The following YTHDF1 variants were observed in gnomAD, a reference collection of about 807,000 sequenced individuals.
YTHDF1 encodes the protein YTH N6-methyladenosine RNA binding protein F1, also known as YTH domain-containing family protein 1.
Under a neutral mutation model 49.1 loss-of-function variants are expected in YTHDF1, and 16 were observed. That is an observed-to-expected ratio of 0.33 (90% confidence interval 0.22 to 0.49). The LOEUF is 0.49. YTHDF1 is among the 20% of genes least tolerant of loss of function. YTHDF1 has a pLI of 0.99. For synonymous variants in YTHDF1, 313 were observed against 290.1 expected, an observed-to-expected ratio of 1.08 and a Z score of -0.80; for missense variants, 621 against 744.3, an observed-to-expected ratio of 0.83 and a Z score of 1.93.
intron 4 of YTHDF1, among the ~76,000 whole-genome samples, chr20:63,198,586 A>C (rs765666400): frequency 4.6e-5 from 7 of 152,134 alleles, no homozygotes; most frequent in Non-Finnish European, 1.0e-4. Flanking sequence ...AACAGCTACA[A>C]AGTTTACTAT....
chr20:63,208,736 A>C (rs961048358), intron 3 of YTHDF1, among the ~76,000 whole-genome samples: 1 of 152,224 alleles, frequency 6.6e-6, no homozygotes, highest in African/African-American at 2.4e-5. Flanking sequence ...CAGCCACAAG[A>C]AACTGACACT....
chr20:63,215,505 A>C (rs1320250504), intron 2 of YTHDF1, 72 bp downstream of exon 2: 25 of 1,602,732 alleles, frequency 1.6e-5, no homozygotes, highest in African/African-American at 2.7e-5. Flanking sequence ...TTCCAGACGC[A>C]GCTTCCTGGA....
Position 63,203,653 on chromosome 20 carries a change from T to C in YTHDF1, c.287A>G (p.Asp96Gly). ...LTTYGQLSNG[D>G]HHFMHDAVFG... The stretch of plus-strand genomic sequence containing the variant: ...AACAGCATCGTGCATAAAATGATGG[T>C]CTCCGTTACTGAGCTGTCCGTAGGT... The change falls in exon 4 of 5, where the codon GAC becomes GGC. Residue 96 changes from aspartate to glycine, a missense_variant. Transcript: ENST00000370339. This position sits in a 1 kb window ranked among gnomAD's most constrained non-coding sequence, Gnocchi z 4.4. The C allele has an allele frequency of 6.2e-7, 1 of 1,614,074 alleles. No individual in the cohort carries two copies. The highest frequency in any genetic ancestry group is 1.1e-5 in the South Asian group (1 of 91,076).
chr20:63,204,939 G>T (rs555169198), intron 3 of YTHDF1, among the ~76,000 whole-genome samples: 30 of 152,154 alleles, frequency 2.0e-4, no homozygotes, highest in Non-Finnish European at 4.0e-4. Context: ...AGGCCGGTGA[G>T]ACGGGGTCCA....
chr20:63,207,417 C>G, intron 3 of YTHDF1, among the ~76,000 whole-genome samples: 1 of 151,766 alleles, frequency 6.6e-6, no homozygotes, highest in African/African-American at 2.4e-5. Flanking sequence ...TGCAGTGAGC[C>G]GAGATCGAGC....
intron 3 of YTHDF1, among the ~76,000 whole-genome samples, chr20:63,204,086 G>A (rs1266421133): frequency 5.9e-5 from 9 of 152,198 alleles, no homozygotes; most frequent in Non-Finnish European, 1.3e-4. Context: ...TCTAGAACTG[G>A]CAAGGTAGCA....
intron 4 of YTHDF1, among the ~76,000 whole-genome samples, chr20:63,199,376 G>T (rs1323901121): frequency 6.6e-6 from 1 of 152,128 alleles, no homozygotes; most frequent in African/African-American, 2.4e-5. Flanking sequence ...AAAATTCGCT[G>T]GGCGTGGTGG....
intron 4 of YTHDF1, among the ~76,000 whole-genome samples, chr20:63,199,021 C>T (rs1415476963): frequency 6.6e-6 from 1 of 152,230 alleles, no homozygotes; most frequent in African/African-American, 2.4e-5. Flanking sequence ...AGCTGGACAG[C>T]AATCTTGCAA....
rs2066589894 is a variant in YTHDF1 at position 63,214,159 on chromosome 20, G to C, written c.53-216C>G. The C allele has an allele frequency of 3.1e-6, 3 of 956,582 alleles. No homozygotes were observed. The South Asian group carries it at 1.5e-4, about 46-fold the overall frequency. 59.3% of individuals were successfully genotyped at this position (956,582 alleles called of 1,614,324 possible). On this transcript the variant is annotated intron_variant, in intron 2 of 4. Transcript: ENST00000370339. ...AATTTAGGATAAATTTTAAATAAAG[G>C]CTTAATCGTAATTTGGTGAGATTAA...
rs191710564 is a variant in YTHDF1, at chr20:63,196,211, T to G, written c.*497A>C. On this transcript the variant is annotated 3_prime_UTR_variant, in exon 5 of 5. Transcript: ENST00000370339. The stretch of plus-strand genomic sequence containing the variant: ...AAAATCAAATGGGTAAATTAGCACT[T>G]TAGACCGATAACAGATAATAAAATG... 2 of 152,146 alleles carry G rather than the reference T, an allele frequency of 1.3e-5. No individual in the cohort carries two copies. The highest frequency in any genetic ancestry group is 3.9e-4 in the East Asian group (2 of 5,188). 9.4% of individuals were successfully genotyped at this position (152,146 alleles called of 1,614,324 possible). A position where few individuals can be genotyped will look rare whatever the true frequency, so the allele number is the denominator to read the frequency against.
At chr20:63,212,425 T>G (rs1253074406) in intron 3 of YTHDF1, among the ~76,000 whole-genome samples, 1 of 152,226 alleles carries the variant, frequency 6.6e-6, no homozygotes, top group Non-Finnish European at 1.5e-5. Flanking sequence ...AAGCCTGGTT[T>G]TACTTTAAAG....
chr20:63,202,189 G>C (rs2066520416), intron 4 of YTHDF1, 98 bp downstream of exon 4: 3 of 1,472,118 alleles, frequency 2.0e-6, no homozygotes, highest in Non-Finnish European at 2.7e-6. Flanking sequence ...GACTCAGCTC[G>C]GCGGACCTGC....
Position 63,202,712 on chromosome 20 carries a change from T to G in YTHDF1, c.1228A>C (p.Ile410Leu), listed in dbSNP as rs747763281. ...DDIHRSIKYS[I>L]WCSTEHGNKR... is the part of the protein sequence containing the mutation. ...TTGCCGTGCTCTGTGCTACACCAGA[T>G]GGAGTACTTAATGGAGCGGTGGATG... Residue 410 changes from isoleucine to leucine, a missense_variant, in exon 4 of 5, where the codon ATC becomes CTC. By Grantham distance (5) the Ile-to-Leu change is conservative (BLOSUM62 2). Around this residue, in one of 2 missense-constraint regions of YTHDF1, gnomAD observed 151 missense variants for 248.5 expected, o/e 0.61. Transcript: ENST00000370339. The G allele has an allele frequency of 6.2e-7, 1 of 1,614,184 alleles. No individual in the cohort carries two copies. Among genetic ancestry groups the G allele is most frequent in the Non-Finnish European group, 8.5e-7 (1 of 1,180,040 alleles).
intron 4 of YTHDF1, among the ~76,000 whole-genome samples, chr20:63,198,112 TTC>T (rs760833602): frequency 2.0e-5 from 3 of 151,342 alleles, no homozygotes; most frequent in Non-Finnish European, 4.4e-5. Context: ...GTATTTTACA[TTC>T]TCTTAAACAT....
At chr20:63,202,237 G>T in intron 4 of YTHDF1, 50 bp downstream of exon 4, 1 of 1,567,712 alleles carries the variant, frequency 6.4e-7, no homozygotes, top group Middle Eastern at 2.0e-4. Flanking sequence ...GTCTAAGTAC[G>T]GCACCAAGGA....
At position 63,203,630 on chromosome 20, in the gene YTHDF1, C is replaced by G; in HGVS notation, c.310G>C (p.Val104Leu). ...NGDHHFMHDA[V>L]FGQPGGLGNN... ...CCCAGGCCCCCAGGCTGCCCAAAAA[C>G]AGCATCGTGCATAAAATGATGGTCT... Residue 104 changes from valine (V) to leucine (L), a missense_variant, in exon 4 of 5, where the codon GTT becomes CTT. Transcript: ENST00000370339. The surrounding 1 kb of genome is among the most constrained non-coding windows in gnomAD (Gnocchi z 4.4). The G allele has an allele frequency of 6.2e-7, 1 of 1,614,186 alleles. No individual in the cohort carries two copies. The highest frequency in any genetic ancestry group is 1.3e-5 in the African/African-American group (1 of 75,030).
chr20:63,201,347 AC>A, intron 4 of YTHDF1, among the ~76,000 whole-genome samples: 2 of 152,304 alleles, frequency 1.3e-5, no homozygotes, highest in South Asian at 4.1e-4. Flanking sequence ...AACACTGAAA[AC>A]CCATCTATTA....
intron 2 of YTHDF1, among the ~76,000 whole-genome samples, chr20:63,214,522 G>C (rs1193309293): frequency 1.3e-5 from 2 of 152,160 alleles, no homozygotes; most frequent in Non-Finnish European, 2.9e-5. Flanking sequence ...AGGTAGTCGG[G>C]GGACAGCTTA....
chr20:63,203,614 C>A lies in YTHDF1; in HGVS notation c.326G>T (p.Gly109Val). Residue 109 changes from glycine (G) to valine (V), a missense_variant, in exon 4 of 5, where the codon GGG becomes GTG. Coordinates refer to ENST00000370339, the MANE Select transcript of YTHDF1 (RefSeq NM_017798.4). This position sits in a 1 kb window ranked among gnomAD's most constrained non-coding sequence, Gnocchi z 4.4. ...FMHDAVFGQP[G>V]GLGNNIYQHR... The stretch of plus-strand genomic sequence containing the variant: ...CTGATAGATGTTGTTCCCCAGGCCC[C>A]CAGGCTGCCCAAAAACAGCATCGTG... The A allele has an allele frequency of 6.2e-7, 1 of 1,614,164 alleles. No individual in the cohort carries two copies.
Sources: gnomAD v4.1 joint callset for allele counts (sites outside exome capture counted in the v4.1 genomes callset) on GRCh38, gnomAD v4.1.1 for gene constraint, gnomAD v4.1.1 regional missense constraint, Gnocchi (gnomAD v3.1) non-coding constraint, MANE v1.5 for transcripts, NCBI Gene and HGNC (gene_info 2026-07-23, HGNC 2026-07-21) for gene names.